Variants in COL15A1 observed in about 807,000 individuals in gnomAD.
The protein encoded by COL15A1 is collagen type XV alpha 1 chain, also known as collagen alpha-1(XV) chain.
In COL15A1, 111 loss-of-function variants were observed where a neutral mutation model predicts 165.9. The observed-to-expected ratio is 0.67, with a 90% CI of 0.57 to 0.78. The LOEUF is 0.78. Among genes scored for constraint, COL15A1 ranks in the 30% least tolerant of loss-of-function variants. COL15A1 has a pLI of 0.00. For synonymous variants in COL15A1, 659 were observed against 674.8 expected (o/e 0.98, Z 0.36); for missense variants, 1,745 against 1,789.7 (o/e 0.98, Z 0.45).
chr9:99,029,228 T>C (rs567600137), intron 16 of COL15A1, among the ~76,000 whole-genome samples: 1 of 152,364 alleles, frequency 6.6e-6, no homozygotes, highest in East Asian at 1.9e-4. Flanking sequence ...CTGGGACACC[T>C]GGGCAGGAAA....
At chr9:99,019,254 CG>C (rs1489192142) in intron 11 of COL15A1, among the ~76,000 whole-genome samples, 2 of 152,126 alleles carry the variant, frequency 1.3e-5, no homozygotes, top group Non-Finnish European at 2.9e-5. Flanking sequence ...AGTGCAGTGG[CG>C]TGATCTCGGC....
chr9:99,065,331 C>A (rs1011068239), intron 39 of COL15A1, among the ~76,000 whole-genome samples: 1 of 152,072 alleles, frequency 6.6e-6, no homozygotes, highest in Non-Finnish European at 1.5e-5. Context: ...CTGATGTAGC[C>A]CCAAAGCACA....
In COL15A1 at chr9:99,004,923, C is replaced by T; in HGVS notation, c.1226C>T (p.Ala409Val). Residue 409 changes from alanine (A) to valine (V), a missense_variant, in exon 9 of 42, where the codon GCA (alanine) becomes GTA (valine). Ala to Val is a moderately conservative substitution (Grantham distance 64). Coordinates refer to ENST00000375001, the MANE Select transcript of COL15A1 (RefSeq NM_001855.5). ...TPGPDNEERL[A>V]ATAAGEAEAL... is the part of the protein sequence containing the mutation. ...GGTCCAGATAATGAAGAGCGTTTAGCAGCAACAGCAGCAGGGGAGGCCGAG... is the reference window on the plus strand; with the variant it reads ...GGTCCAGATAATGAAGAGCGTTTAGTAGCAACAGCAGCAGGGGAGGCCGAG... 1 of 1,614,042 alleles carries T rather than the reference C, an allele frequency of 6.2e-7. No individual in the cohort carries two copies. Among genetic ancestry groups the T allele is most frequent in the Non-Finnish European group, 8.5e-7 (1 of 1,179,954 alleles).
chr9:99,014,831 T>A (rs1838901082), intron 9 of COL15A1, among the ~76,000 whole-genome samples: 2 of 152,162 alleles, frequency 1.3e-5, no homozygotes, highest in South Asian at 4.1e-4. Context: ...GCAGGACAAC[T>A]CAAAGTGGGG....
chr9:99,039,706 G>A (rs965180754), intron 22 of COL15A1, among the ~76,000 whole-genome samples: 1 of 152,162 alleles, frequency 6.6e-6, no homozygotes, highest in African/African-American at 2.4e-5. Flanking sequence ...TGAGGTTGCA[G>A]CCCCATCTTC....
At chr9:99,057,330 G>A (rs1205411162) in intron 35 of COL15A1, among the ~76,000 whole-genome samples, 1 of 152,316 alleles carries the variant, frequency 6.6e-6, no homozygotes, top group Middle Eastern at 3.4e-3. Context: ...TCACATGTGA[G>A]TGGAAACTTC....
At chr9:99,059,805 A>G in intron 35 of COL15A1, 84 bp from the exon 36 acceptor site, 3 of 1,487,228 alleles carry the variant, frequency 2.0e-6, no homozygotes, top group Non-Finnish European at 2.8e-6. Context: ...GGTTGAACAC[A>G]CTTCTCTCCG....
At chr9:99,052,722 T>C (rs1298752190) in intron 31 of COL15A1, among the ~76,000 whole-genome samples, 2 of 152,208 alleles carry the variant, frequency 1.3e-5, no homozygotes, top group Non-Finnish European at 2.9e-5. Context: ...GCCTATTCCT[T>C]ACTTGGTATG....
At chr9:98,996,316 CA>C (rs900138934) in intron 5 of COL15A1, among the ~76,000 whole-genome samples, 2 of 152,142 alleles carry the variant, frequency 1.3e-5, no homozygotes, top group African/African-American at 4.8e-5. Flanking sequence ...TGCTTGGGTC[CA>C]GGGGTGATGC....
At chr9:98,953,344 G>A (rs1837720882) in intron 2 of COL15A1, among the ~76,000 whole-genome samples, 1 of 152,108 alleles carries the variant, frequency 6.6e-6, no homozygotes, top group Non-Finnish European at 1.5e-5. Context: ...GCAGATCCAG[G>A]TCAACATCTA....
Position 99,047,766 on chromosome 9 carries a change from G to A in COL15A1, c.2680-20G>A. The A allele has an allele frequency of 6.2e-7, 1 of 1,613,628 alleles. No homozygotes were observed. The highest frequency in any genetic ancestry group is 8.5e-7 in the Non-Finnish European group (1 of 1,179,558). ...AAGACTTTCTGTTCTTTTCTAATCT[G>A]GCATTTGTTTTGCCTCTAGGGGCCC... is the stretch of plus-strand genomic sequence containing the variant. On this transcript the variant is annotated intron_variant, in intron 26 of 41. Coordinates refer to ENST00000375001, the MANE Select transcript of COL15A1 (RefSeq NM_001855.5).
At chr9:99,028,741 A>G (rs1352940688) in intron 16 of COL15A1, among the ~76,000 whole-genome samples, 1 of 152,192 alleles carries the variant, frequency 6.6e-6, no homozygotes, top group Non-Finnish European at 1.5e-5. Context: ...GGTACAGTAT[A>G]CACTGCTCAG....
chr9:99,066,599 G>GGTTTTTTTTTTTTTTTTTTTTT, intron 39 of COL15A1, among the ~76,000 whole-genome samples: 1 of 71,040 alleles, frequency 1.4e-5, no homozygotes, highest in East Asian at 3.7e-4. Context: ...ATTTTGTTCT[G>GGTTTTTTTTTTTTTTTTTTTTT]TTTTTTTTTT....
chr9:98,994,811 T>C (rs770491187), intron 5 of COL15A1, among the ~76,000 whole-genome samples: 6 of 152,148 alleles, frequency 3.9e-5, no homozygotes, highest in Non-Finnish European at 8.8e-5. Flanking sequence ...CCCATTCACA[T>C]TGACCTCTGA....
chr9:98,973,074 T>C (rs902212671), intron 2 of COL15A1, among the ~76,000 whole-genome samples: 1 of 152,240 alleles, frequency 6.6e-6, no homozygotes, highest in African/African-American at 2.4e-5. Flanking sequence ...CAGAAGAGGA[T>C]ACTGGACAGG....
At chr9:98,998,793 G>A (rs1044449546) in intron 6 of COL15A1, among the ~76,000 whole-genome samples, 4 of 152,212 alleles carry the variant, frequency 2.6e-5, no homozygotes, top group Admixed American at 2.6e-4. Context: ...GCCTGTTCCC[G>A]GGATCAGCCA....
intron 23 of COL15A1, 104 bp downstream of exon 23, chr9:99,040,660 C>G (rs1462530959): frequency 6.3e-7 from 1 of 1,588,356 alleles, no homozygotes; most frequent in Non-Finnish European, 8.6e-7. Flanking sequence ...GACTGAGCTC[C>G]AGGGGCATCT....
chr9:99,039,744 C>G (rs925288105), intron 22 of COL15A1, among the ~76,000 whole-genome samples: 1 of 152,202 alleles, frequency 6.6e-6, no homozygotes, highest in Non-Finnish European at 1.5e-5. Flanking sequence ...GCCCCTAATT[C>G]TCTTCTCTGA....
In COL15A1 at chr9:99,036,416, G is replaced by T. The variant is rs1265847456; in HGVS notation, c.2409+20G>T. On this transcript the variant is annotated intron_variant, in intron 21 of 41. Transcript: ENST00000375001. ...TCTAATGTGAGTATCATTCAGGTCA[G>T]AGCTTGTCTACATATTTTCCACCTT... 6.2e-7 allele frequency: 1 copy of T among 1,612,412 alleles called. No homozygotes were observed. The highest frequency in any genetic ancestry group is 8.5e-7 in the Non-Finnish European group (1 of 1,178,898).
Sources: allele counts gnomAD v4.1 joint callset (sites outside exome capture counted in the v4.1 genomes callset), GRCh38; gene constraint gnomAD v4.1.1; transcripts MANE v1.5; gene names NCBI Gene and HGNC (gene_info 2026-07-23, HGNC 2026-07-21).